The following NAALADL2 variants were observed in gnomAD, a reference collection of about 807,000 sequenced individuals.
NAALADL2 encodes the protein N-acetylated alpha-linked acidic dipeptidase like 2, also known as inactive N-acetylated-alpha-linked acidic dipeptidase-like protein 2.
In NAALADL2, 76 loss-of-function variants were observed where a neutral mutation model predicts 87.2. That is an observed-to-expected ratio of 0.87 (90% CI 0.72 to 1.05). The LOEUF (loss-of-function observed/expected upper bound fraction) is 1.05, where lower values mean the gene tolerates loss of function less well. NAALADL2 is among the 50% of genes least tolerant of loss of function. The probability of loss-of-function intolerance (pLI) is 0.00; values close to 1 mark genes in which losing one functional copy is unlikely to be tolerated. For missense variants in NAALADL2, 1,089 were observed against 945.8 expected (o/e 1.15, Z -1.99); for synonymous variants, 354 against 331.0 (o/e 1.07, Z -0.75).
At chr3:174,933,311 A>G (rs998237540) in intron 1 of NAALADL2, among the ~76,000 whole-genome samples, 8 of 152,156 alleles carry the variant, frequency 5.3e-5, no homozygotes, top group Admixed American at 3.9e-4. Context: ...TTTCCTGTTC[A>G]GATTCTTGAC....
At chr3:174,687,339 C>T (rs1728143195) in intron 2 of NAALADL2, among the ~76,000 whole-genome samples, 2 of 152,086 alleles carry the variant, frequency 1.3e-5, no homozygotes, top group African/African-American at 2.4e-5. Context: ...CACAACCCTA[C>T]CCAATGCACT....
At chr3:175,557,813 T>C (rs1481504978) in intron 9 of NAALADL2, among the ~76,000 whole-genome samples, 1 of 152,178 alleles carries the variant, frequency 6.6e-6, no homozygotes, top group Non-Finnish European at 1.5e-5. Context: ...TACCACATTG[T>C]AGTTCTGAAG....
At chr3:175,588,577 C>G (rs1242319869) in intron 10 of NAALADL2, among the ~76,000 whole-genome samples, 2 of 106,386 alleles carry the variant, frequency 1.9e-5, no homozygotes, top group African/African-American at 7.4e-5. Context: ...CTTGCTCTGT[C>G]GCCGAGGCTG....
intron 3 of NAALADL2, among the ~76,000 whole-genome samples, chr3:175,246,496 A>G (rs1401923122): frequency 2.6e-5 from 4 of 152,218 alleles, no homozygotes; most frequent in Non-Finnish European, 5.9e-5. Flanking sequence ...ACTTCAATGC[A>G]TTAATCATTT....
intron 2 of NAALADL2, among the ~76,000 whole-genome samples, chr3:174,570,708 G>A (rs1420465587): frequency 6.6e-6 from 1 of 152,106 alleles, no homozygotes; most frequent in Non-Finnish European, 1.5e-5. Context: ...TGGCATGGCT[G>A]TTCAAATCTG....
intron 1 of NAALADL2, among the ~76,000 whole-genome samples, chr3:174,996,313 C>T (rs1054712928): frequency 2.6e-5 from 4 of 151,134 alleles, no homozygotes; most frequent in South Asian, 2.1e-4. Context: ...CTGGCTAACA[C>T]GGTGAAACCC....
At chr3:174,463,581 C>G (rs1004575386) in intron 1 of NAALADL2, among the ~76,000 whole-genome samples, 5 of 150,016 alleles carry the variant, frequency 3.3e-5, no homozygotes, top group Admixed American at 2.7e-4. Context: ...ACATTTAATG[C>G]TATACCCTAA....
At chr3:174,482,792 TTGTC>T (rs1717638550) in intron 1 of NAALADL2, among the ~76,000 whole-genome samples, 1 of 152,018 alleles carries the variant, frequency 6.6e-6, no homozygotes, top group Non-Finnish European at 1.5e-5. Context: ...TCAACTTTGA[TTGTC>T]TGAGACATAT....
At chr3:174,921,822 GA>G (rs1735251232) in intron 1 of NAALADL2, among the ~76,000 whole-genome samples, 1 of 65,468 alleles carries the variant, frequency 1.5e-5, no homozygotes, top group Admixed American at 1.7e-4. Flanking sequence ...AAAAAAAAAA[GA>G]AAAAGAAAAA....
chr3:174,460,757 G>C (rs1363708151), intron 1 of NAALADL2, among the ~76,000 whole-genome samples: 1 of 151,930 alleles, frequency 6.6e-6, no homozygotes, highest in Admixed American at 6.6e-5. Context: ...CCATTTCTCT[G>C]TTGTTGAACA....
Position 175,068,505 on chromosome 3 carries a change from G to A in NAALADL2, c.44-28285G>A, listed in dbSNP as rs1714967283. 2.6e-5 allele frequency among the ~76,000 whole-genome samples: 4 copies of A among 152,122 alleles called. No homozygotes were observed. The South Asian group carries it at 8.3e-4, about 31-fold the overall frequency. On this transcript the variant is annotated intron_variant, in intron 1 of 13. Coordinates refer to ENST00000454872, the MANE Select transcript of NAALADL2 (RefSeq NM_207015.3). ...ACCTCAAAAGAAAGGCATTTGTGAA[G>A]ATTTGGAGAGATAAGGAGATTCTTC...
intron 1 of NAALADL2, among the ~76,000 whole-genome samples, chr3:175,042,104 C>A (rs1447166846): frequency 6.6e-6 from 1 of 152,088 alleles, no homozygotes; most frequent in African/African-American, 2.4e-5. Flanking sequence ...CCAGGGCAAC[C>A]ATCATTTTAT....
intron 1 of NAALADL2, among the ~76,000 whole-genome samples, chr3:175,019,733 A>G (rs994425481): frequency 3.3e-5 from 5 of 152,088 alleles, no homozygotes; most frequent in African/African-American, 1.2e-4. Context: ...TAAGAATGAC[A>G]TTAATCTGGT....
At chr3:174,498,932 G>T (rs963791843) in intron 1 of NAALADL2, among the ~76,000 whole-genome samples, 1 of 151,906 alleles carries the variant, frequency 6.6e-6, no homozygotes, top group African/African-American at 2.4e-5. Flanking sequence ...TTAGTAACCT[G>T]CAGTAAACAA....
chr3:174,777,458 A>G (rs1715352528), intron 3 of NAALADL2, among the ~76,000 whole-genome samples: 1 of 152,132 alleles, frequency 6.6e-6, no homozygotes, highest in African/African-American at 2.4e-5. Context: ...ATACTTTTGA[A>G]CTGGTTATAT....
At chr3:175,791,485 A>G (rs1238796713) in intron 13 of NAALADL2, among the ~76,000 whole-genome samples, 1 of 152,182 alleles carries the variant, frequency 6.6e-6, no homozygotes. Context: ...AGAGAAACCA[A>G]GACATTGGGA....
chr3:174,744,640 A>G (rs1734077695), intron 3 of NAALADL2, among the ~76,000 whole-genome samples: 2 of 152,144 alleles, frequency 1.3e-5, no homozygotes, highest in Non-Finnish European at 2.9e-5. Flanking sequence ...AAACAACAAA[A>G]TATACATTCT....
At chr3:174,835,011 A>G (rs1444590677) in intron 3 of NAALADL2, among the ~76,000 whole-genome samples, 1 of 151,700 alleles carries the variant, frequency 6.6e-6, no homozygotes, top group Non-Finnish European at 1.5e-5. Flanking sequence ...TAAAAATGCA[A>G]AGAAATTTGG....
At position 175,744,690 on chromosome 3, in the gene NAALADL2, C is replaced by A. The variant is rs553684993; in HGVS notation, c.1990+7291C>A. Reference sequence around the variant, plus strand: ...AGTTGCTAAATTGTAGGCATCAGTTCTATTTTAGTTATGCCTTACTTCTAA... The same window carrying A: ...AGTTGCTAAATTGTAGGCATCAGTTATATTTTAGTTATGCCTTACTTCTAA... On this transcript the variant is annotated intron_variant, in intron 12 of 13. Coordinates refer to ENST00000454872, the MANE Select transcript of NAALADL2 (RefSeq NM_207015.3). 3.3e-5 allele frequency among the ~76,000 whole-genome samples: 5 copies of A among 152,184 alleles called. 1 individual carries two copies. The South Asian group carries it at 1.0e-3, about 32-fold the overall frequency.
Sources: gnomAD v4.1 joint callset for allele counts (sites outside exome capture counted in the v4.1 genomes callset) on GRCh38, gnomAD v4.1.1 for gene constraint, MANE v1.5 for transcripts, NCBI Gene and HGNC (gene_info 2026-07-23, HGNC 2026-07-21) for gene names.